APOL3: variants seen among roughly 807,000 people sequenced by gnomAD.
APOL3 encodes the protein apolipoprotein L3.
Under a neutral mutation model 11.6 loss-of-function variants are expected in APOL3, and 14 were observed. The observed-to-expected ratio is 1.21, with a 90% confidence interval of 0.80 to 1.89. APOL3 has a LOEUF of 1.89. Among genes scored for constraint, APOL3 ranks in the 40% most tolerant of loss-of-function variants. APOL3 has a pLI of 0.00. For missense variants in APOL3, 483 were observed against 492.1 expected (o/e 0.98, Z 0.17); for synonymous variants, 192 against 190.6 (o/e 1.01, Z -0.06).
At chr22:36,141,429 G>A (rs1266495397) in exon 3 of APOL3, 1 of 1,614,174 alleles carries the variant, frequency 6.2e-7, no homozygotes, top group Admixed American at 1.7e-5. Flanking sequence ...GGTGGTGCCT[G>A]CAATCGTTCT....
chr22:36,156,079 C>A, intron 1 of APOL3: 1 of 193,308 alleles, frequency 5.2e-6, no homozygotes, highest in South Asian at 1.2e-4. Flanking sequence ...AGACACCGTG[C>A]TCCTCCTGAG....
chr22:36,143,830 A>G (rs1387462878), intron 2 of APOL3, among the ~76,000 whole-genome samples: 1 of 152,138 alleles, frequency 6.6e-6, no homozygotes, highest in Non-Finnish European at 1.5e-5. Flanking sequence ...ATTTCATGGA[A>G]CCTCTTATGG....
At chr22:36,156,658 C>T (rs2012909370) in intron 1 of APOL3, 1 of 223,760 alleles carries the variant, frequency 4.5e-6, no homozygotes, top group African/African-American at 2.2e-5. Context: ...CACCCATCCT[C>T]AGAGGCTCAG....
intron 1 of APOL3, among the ~76,000 whole-genome samples, chr22:36,151,240 C>T (rs1022281908): frequency 1.1e-4 from 17 of 152,034 alleles, no homozygotes; most frequent in Non-Finnish European, 1.6e-4. Context: ...GGGAAGACTG[C>T]CAGTGGACCT....
chr22:36,157,066 A>G (rs527532065), intron 1 of APOL3: 2 of 455,552 alleles, frequency 4.4e-6, no homozygotes, highest in East Asian at 1.4e-4. Context: ...TGGTGGCTCT[A>G]TCAGGTTTCT....
chr22:36,151,204 A>AGGATACAATGCCTT (rs2146827586), intron 1 of APOL3, among the ~76,000 whole-genome samples: 1 of 152,362 alleles, frequency 6.6e-6, no homozygotes, highest in South Asian at 2.1e-4. Flanking sequence ...CCTGATGCCA[A>AGGATACAATGCCTT]GGAGTTCTCA....
intron 2 of APOL3, 85 bp downstream of exon 3, chr22:36,145,388 G>A: frequency 3.3e-6 from 5 of 1,517,190 alleles, no homozygotes; most frequent in Non-Finnish European, 3.6e-6. Flanking sequence ...CCTGGAGGAG[G>A]TGTGCCTGCC....
intron 1 of APOL3, among the ~76,000 whole-genome samples, chr22:36,146,975 G>A (rs1317026773): frequency 1.3e-5 from 2 of 152,032 alleles, no homozygotes; most frequent in African/African-American, 4.8e-5. Context: ...ACACTTGCGA[G>A]GCCTCATTCT....
At chr22:36,163,085 G>A (rs527982383), upstream of APOL3, among the ~76,000 whole-genome samples, 2 of 152,294 alleles carry the variant, frequency 1.3e-5, no homozygotes, top group African/African-American at 4.8e-5. Flanking sequence ...TGTTTAACGT[G>A]ATTAAACAAC....
intron 1 of APOL3, among the ~76,000 whole-genome samples, chr22:36,150,592 C>T (rs1286834320): frequency 6.6e-6 from 1 of 152,202 alleles, no homozygotes; most frequent in Non-Finnish European, 1.5e-5. Context: ...TGTGAATGGA[C>T]CAGTTGTGGT....
chr22:36,156,044 C>CAG, intron 1 of APOL3: 1 of 246,452 alleles, frequency 4.1e-6, no homozygotes, highest in Non-Finnish European at 8.4e-6. Flanking sequence ...CCTCCTTAGG[C>CAG]AGAGAGAGAG....
At chr22:36,149,277 ATCTCCTGGG>A (rs2060339134) in intron 1 of APOL3, 135 bp from the exon 2 acceptor site, 123 of 1,305,358 alleles carry the variant, frequency 9.4e-5, no homozygotes, top group Non-Finnish European at 1.2e-4. Flanking sequence ...GTGTTTTTTA[ATCTCCTGGG>A]CCCCAGCCAG....
rs1372564307 is a variant in APOL3 at position 36,153,886 on chromosome 22, G to T, written c.223+6783C>A. 2.0e-5 allele frequency among the ~76,000 whole-genome samples: 3 copies of T among 152,164 alleles called. No individual in the cohort carries two copies. In the East Asian group the frequency reaches 5.8e-4, roughly 29 times the overall value. On this transcript the variant is annotated intron_variant, in intron 1 of 2. Coordinates refer to ENST00000349314, the Ensembl canonical transcript of APOL3. The stretch of plus-strand genomic sequence containing the variant: ...ATTAAGTACACTTGAGAAATACATC[G>T]GTTTGGTCTAGAAAGGCGGGACAAC...
upstream of APOL3, chr22:36,165,129 A>G (rs2013825470): frequency 6.6e-6 from 1 of 152,066 alleles, no homozygotes; most frequent in Non-Finnish European, 1.5e-5. Context: ...AATCTGGTAA[A>G]ACTGAAAGAG....
In APOL3 at chr22:36,142,078, A is replaced by G. The variant is rs780056322; in HGVS notation, c.351-20T>C. 1 of 1,571,120 alleles carries G rather than the reference A, an allele frequency of 6.4e-7. No individual in the cohort carries two copies. The highest frequency in any genetic ancestry group is 1.4e-5 in the African/African-American group (1 of 73,184). On this transcript the variant is annotated intron_variant, in intron 2 of 2. Coordinates refer to ENST00000349314, the Ensembl canonical transcript of APOL3. ...TCATCCCTGTACCAATAAAGGACAGATGATTAAGAAAGGCAGCTTACTTAT... is the reference window on the plus strand; with the variant it reads ...TCATCCCTGTACCAATAAAGGACAGGTGATTAAGAAAGGCAGCTTACTTAT...
chr22:36,160,572 C>T lies in APOL3; in HGVS notation c.223+97G>A, dbSNP rs1381691347. On this transcript the variant is annotated intron_variant, in intron 1 of 2. Transcript: ENST00000349314. ...GATGTGACCTCAGTCAGTTACCTAA[C>T]CTCTCTGAGCTCATCTACAAAAGGT... 5.3e-6 allele frequency: 7 copies of T among 1,310,250 alleles called. No homozygotes were observed. In the South Asian group the frequency reaches 8.7e-5, roughly 16 times the overall value. The allele number at this position is 1,310,250 out of a possible 1,614,324, so 81.2% of individuals were successfully genotyped here.
upstream of APOL3, among the ~76,000 whole-genome samples, chr22:36,164,361 G>T (rs1460975611): frequency 6.6e-6 from 1 of 152,134 alleles, no homozygotes; most frequent in Non-Finnish European, 1.5e-5. Flanking sequence ...ACAGTCAATT[G>T]CATACTCCTT....
chr22:36,158,983 G>C (rs1158672133), intron 1 of APOL3, among the ~76,000 whole-genome samples: 2 of 152,108 alleles, frequency 1.3e-5, no homozygotes, highest in South Asian at 4.1e-4. Flanking sequence ...GTGTGTGTGT[G>C]TGTGTGTGAA....
chr22:36,160,999 T>C (rs2146909797), upstream of APOL3: 3 of 989,114 alleles, frequency 3.0e-6, no homozygotes, highest in Non-Finnish European at 3.0e-6. Flanking sequence ...GTTGGGGGTT[T>C]GCTGTGTCTT....
Sources: allele counts gnomAD v4.1 joint callset (sites outside exome capture counted in the v4.1 genomes callset), GRCh38; gene constraint gnomAD v4.1.1; transcripts MANE v1.5; gene names NCBI Gene and HGNC (gene_info 2026-07-23, HGNC 2026-07-21).